ARHGEF3: variants seen among roughly 807,000 people sequenced by gnomAD.
ARHGEF3 encodes the protein 59.8 kDA protein.
A neutral mutation model predicts 63.2 loss-of-function variants in ARHGEF3; 28 were observed. That is an observed-to-expected ratio of 0.44 (90% CI 0.33 to 0.61). The LOEUF (loss-of-function observed/expected upper bound fraction) is 0.61, where lower values mean the gene tolerates loss of function less well. Ranked by LOEUF, ARHGEF3 falls within the 20% of genes least tolerant of loss-of-function variation. The probability of loss-of-function intolerance (pLI) is 0.03; values close to 1 mark genes in which losing one functional copy is unlikely to be tolerated. For missense variants in ARHGEF3, 533 were observed against 659.3 expected, an observed-to-expected ratio of 0.81 and a Z score of 2.10; for synonymous variants, 266 against 254.2, an observed-to-expected ratio of 1.05 and a Z score of -0.44.
chr3:57,071,020 A>G (rs778053517), intron 1 of ARHGEF3, among the ~76,000 whole-genome samples: 1 of 151,748 alleles, frequency 6.6e-6, no homozygotes, highest in African/African-American at 2.4e-5. Flanking sequence ...AAAGAAGGAC[A>G]AAGTTGGAGG....
chr3:57,015,738 G>A (rs1196997280), intron 2 of ARHGEF3, among the ~76,000 whole-genome samples: 1 of 151,748 alleles, frequency 6.6e-6, no homozygotes, highest in Admixed American at 6.6e-5. Context: ...CACTGCACCT[G>A]GCCTTAAAAT....
chr3:56,948,614 C>A (rs933299987), intron 3 of ARHGEF3, among the ~76,000 whole-genome samples: 54 of 152,188 alleles, frequency 3.5e-4, no homozygotes, highest in African/African-American at 1.2e-3. Flanking sequence ...CAATAACAGG[C>A]TCTGAAATTG....
chr3:56,934,499 G>A (rs1257840990), intron 3 of ARHGEF3, among the ~76,000 whole-genome samples: 5 of 150,028 alleles, frequency 3.3e-5, no homozygotes, highest in South Asian at 2.1e-4. Flanking sequence ...GGCTGCGTGC[G>A]GTGCTGGCGG....
At chr3:56,770,449 A>ATT (rs10679038) in intron 2 of ARHGEF3, among the ~76,000 whole-genome samples, 38 of 152,184 alleles carry the variant, frequency 2.5e-4, no homozygotes, top group African/African-American at 7.9e-4. Flanking sequence ...ATTAAATTAA[A>ATT]ATAAAATGAA....
chr3:56,751,480 C>T lies in ARHGEF3; in HGVS notation c.439-84G>A, dbSNP rs2034740682. 4 of 1,122,856 alleles carry T rather than the reference C, an allele frequency of 3.6e-6. No individual in the cohort carries two copies. The Admixed American group carries it at 8.0e-5, about 23-fold the overall frequency. The allele number at this position is 1,122,856 out of a possible 1,614,324, so 69.6% of individuals were successfully genotyped here. On this transcript the variant is annotated intron_variant, in intron 4 of 9. Transcript: ENST00000296315. ...TCATGTAAGTGGCTCCTGAGAGGTC[C>T]TATCCAATAACAAAACTTCTGGCTC...
chr3:57,077,968 G>C (rs1482551396), intron 1 of ARHGEF3, among the ~76,000 whole-genome samples: 1 of 152,162 alleles, frequency 6.6e-6, no homozygotes, highest in African/African-American at 2.4e-5. Flanking sequence ...TAAGGGGAAG[G>C]AGCAACTGCC....
At chr3:56,953,824 C>T (rs1382321088) in intron 3 of ARHGEF3, among the ~76,000 whole-genome samples, 1 of 152,104 alleles carries the variant, frequency 6.6e-6, no homozygotes, top group African/African-American at 2.4e-5. Context: ...AGAAGACAAA[C>T]CAAGAGAGTG....
chr3:56,919,079 C>T (rs1458873908), intron 3 of ARHGEF3, among the ~76,000 whole-genome samples: 1 of 152,154 alleles, frequency 6.6e-6, no homozygotes, highest in African/African-American at 2.4e-5. Flanking sequence ...CAGGTGGGCA[C>T]TGGGGCACCA....
At chr3:56,754,214 T>C (rs1176634542) in intron 3 of ARHGEF3, among the ~76,000 whole-genome samples, 1 of 152,110 alleles carries the variant, frequency 6.6e-6, no homozygotes, top group East Asian at 1.9e-4. Flanking sequence ...AATTTGGCTC[T>C]ATTAAGCCAT....
intron 7 of ARHGEF3, among the ~76,000 whole-genome samples, chr3:56,742,731 C>T (rs1224332147): frequency 6.6e-6 from 1 of 152,150 alleles, no homozygotes; most frequent in African/African-American, 2.4e-5. Context: ...GCTTTGCAGA[C>T]ATTTTCAAAT....
At chr3:56,945,106 T>C (rs1165052197) in intron 3 of ARHGEF3, among the ~76,000 whole-genome samples, 1 of 152,086 alleles carries the variant, frequency 6.6e-6, no homozygotes, top group Non-Finnish European at 1.5e-5. Flanking sequence ...GCAAATGTCA[T>C]TGTTATCTTA....
chr3:57,074,587 G>A, intron 1 of ARHGEF3: 1 of 295,398 alleles, frequency 3.4e-6, no homozygotes, highest in East Asian at 6.9e-5. Context: ...ATCAATGAAA[G>A]AGTGGGAGGC....
chr3:56,865,928 T>C (rs1560005080), intron 4 of ARHGEF3, among the ~76,000 whole-genome samples: 1 of 152,256 alleles, frequency 6.6e-6, no homozygotes, highest in East Asian at 1.9e-4. Context: ...ACAGACATCC[T>C]ATTCAAAATG....
At chr3:56,949,090 A>G (rs1232529042) in intron 3 of ARHGEF3, among the ~76,000 whole-genome samples, 2 of 152,032 alleles carry the variant, frequency 1.3e-5, no homozygotes, top group Admixed American at 1.3e-4. Context: ...CCTTCATGCT[A>G]AAAACTCTCA....
chr3:56,934,258 G>A (rs2042489974), intron 3 of ARHGEF3, among the ~76,000 whole-genome samples: 1 of 152,246 alleles, frequency 6.6e-6, no homozygotes, highest in African/African-American at 2.4e-5. Flanking sequence ...TAGCAGGGAT[G>A]GAGAGAATAT....
chr3:57,076,936 T>C (rs1706248522), intron 1 of ARHGEF3: 1 of 152,188 alleles, frequency 6.6e-6, no homozygotes, highest in Non-Finnish European at 1.5e-5. Context: ...GCAAGCTCTA[T>C]GAATAAAATA....
intron 8 of ARHGEF3, among the ~76,000 whole-genome samples, chr3:56,736,049 AACACAC>A (rs10530565): frequency 0.24 from 35,838 of 146,982 alleles, 4,428 homozygotes; most frequent in Admixed American, 0.32. Context: ...CAGAAATTTA[AACACAC>A]ACACACACAC....
At chr3:56,975,187 G>A (rs1701075872) in intron 2 of ARHGEF3, among the ~76,000 whole-genome samples, 1 of 152,160 alleles carries the variant, frequency 6.6e-6, no homozygotes, top group African/African-American at 2.4e-5. Context: ...GGAGGCCGAG[G>A]CAGGCGGATC....
intron 1 of ARHGEF3, chr3:57,073,391 A>T (rs900114695): frequency 1.9e-5 from 6 of 317,706 alleles, no homozygotes; most frequent in African/African-American, 6.4e-5. Context: ...AGAGAGAGAA[A>T]GCCACTGGAG....
Sources: gnomAD v4.1 joint callset for allele counts (sites outside exome capture counted in the v4.1 genomes callset) on GRCh38, gnomAD v4.1.1 for gene constraint, MANE v1.5 for transcripts, NCBI Gene and HGNC (gene_info 2026-07-23, HGNC 2026-07-21) for gene names.